The following PCBP2 variants were observed in gnomAD, a reference collection of about 807,000 sequenced individuals.
The protein encoded by PCBP2 is poly(rC)-binding protein 2.
PCBP2 carries 4 observed loss-of-function variants against 50.1 expected under a neutral mutation model. The ratio of observed to expected loss-of-function variants is 0.08; its 90% CI spans 0.04 to 0.18. PCBP2 has a LOEUF of 0.18. PCBP2 is among the 10% of genes least tolerant of loss of function. The pLI, the probability that PCBP2 is intolerant of heterozygous loss-of-function variation, is 1.00. For missense variants in PCBP2, 161 were observed against 474.3 expected (o/e 0.34, Z 6.14); for synonymous variants, 179 against 168.0 (o/e 1.07, Z -0.51).
intron 14 of PCBP2, among the ~76,000 whole-genome samples, chr12:53,477,665 C>CAAAAAA (rs61213286): frequency 4.5e-4 from 24 of 52,878 alleles, no homozygotes; most frequent in East Asian, 2.0e-3. Context: ...GACTCTGTCT[C>CAAAAAA]AAAAAAAAAA....
chr12:53,468,755 C>A, intron 12 of PCBP2, 22 bp from the exon 13 acceptor site: 1 of 1,599,430 alleles, frequency 6.3e-7, no homozygotes, highest in Non-Finnish European at 8.6e-7. Context: ...ATTGAATTTG[C>A]TTGCTCTCTT....
In PCBP2 at chr12:53,454,777, C is replaced by T; in HGVS notation, c.-24C>T. On this transcript the variant is annotated 5_prime_UTR_variant, in exon 2 of 15. Coordinates refer to ENST00000546463, the MANE Select transcript of PCBP2 (RefSeq NM_031989.5). Reference sequence around the variant, plus strand: ...ACCAAAGACTTGACCACTCAAAGTCCAGCTCCCCAGAACACTGCTCGACAT... The same window carrying T: ...ACCAAAGACTTGACCACTCAAAGTCTAGCTCCCCAGAACACTGCTCGACAT... The T allele has an allele frequency of 1.2e-6, 2 of 1,610,534 alleles. No individual in the cohort carries two copies. Among genetic ancestry groups the T allele is most frequent in the African/African-American group, 1.3e-5 (1 of 74,954 alleles).
Position 53,479,602 on chromosome 12 carries a change from G to C in PCBP2, c.*160G>C. ...CCACTCGTGATTTTTTAATTAAAGCGTTTTAATTCCTTTCTCTGTTCAGCT... is the reference window on the plus strand; with the variant it reads ...CCACTCGTGATTTTTTAATTAAAGCCTTTTAATTCCTTTCTCTGTTCAGCT... On this transcript the variant is annotated 3_prime_UTR_variant, in exon 15 of 15. Transcript: ENST00000546463. 4.3e-6 allele frequency: 2 copies of C among 466,906 alleles called. No homozygotes were observed. The highest frequency in any genetic ancestry group is 7.6e-5 in the East Asian group (2 of 26,184). The allele number at this position is 466,906 out of a possible 1,614,324, so 28.9% of individuals were successfully genotyped here.
intron 11 of PCBP2, 185 bp from the exon 12 acceptor site, chr12:53,467,620 T>A: frequency 1.6e-6 from 1 of 638,712 alleles, no homozygotes; most frequent in Non-Finnish European, 2.8e-6. Context: ...ACCCCCTTTC[T>A]CTCCACCAGC....
At chr12:53,474,197 A>G (rs1942427913) in intron 14 of PCBP2, among the ~76,000 whole-genome samples, 2 of 152,246 alleles carry the variant, frequency 1.3e-5, no homozygotes, top group Non-Finnish European at 1.5e-5. Flanking sequence ...ATGATCAGTC[A>G]GAAACAACTT....
At chr12:53,457,577 C>T (rs1192842126) in intron 5 of PCBP2, among the ~76,000 whole-genome samples, 1 of 152,004 alleles carries the variant, frequency 6.6e-6, no homozygotes, top group East Asian at 1.9e-4. Context: ...AACTCTTGGG[C>T]TCAAGCAATC....
chr12:53,455,532 T>G (rs1281835298), intron 4 of PCBP2, 39 bp downstream of exon 4: 2 of 1,597,506 alleles, frequency 1.3e-6, no homozygotes, highest in Non-Finnish European at 1.7e-6. Context: ...CTTTGGGAAG[T>G]AAAAAACCTT....
chr12:53,475,420 TG>T (rs1247200155), intron 14 of PCBP2: 1 of 320,766 alleles, frequency 3.1e-6, no homozygotes, highest in Non-Finnish European at 6.1e-6. Flanking sequence ...GGGTCTGACT[TG>T]AATTCTTTAT....
intron 5 of PCBP2, among the ~76,000 whole-genome samples, chr12:53,457,806 T>C (rs1390266139): frequency 6.6e-6 from 1 of 152,192 alleles, no homozygotes; most frequent in Non-Finnish European, 1.5e-5. Context: ...ATAAGTGATA[T>C]TTAAACCGCT....
At chr12:53,458,564 C>T (rs1473469330) in intron 5 of PCBP2, among the ~76,000 whole-genome samples, 1 of 151,688 alleles carries the variant, frequency 6.6e-6, no homozygotes, top group Non-Finnish European at 1.5e-5. Context: ...GCCTCGGCCT[C>T]CCAAAGTACT....
At chr12:53,471,886 A>T in intron 14 of PCBP2, 79 bp downstream of exon 14, 5 of 1,047,462 alleles carry the variant, frequency 4.8e-6, no homozygotes, top group Non-Finnish European at 5.3e-6. Context: ...TGTATTAAAT[A>T]TGGGATTACA....
intron 14 of PCBP2, among the ~76,000 whole-genome samples, chr12:53,472,076 A>C (rs560028566): frequency 1.3e-5 from 2 of 152,192 alleles, no homozygotes; most frequent in African/African-American, 4.8e-5. Flanking sequence ...CCTTGTCTTC[A>C]GTAAGAGTCC....
At chr12:53,465,342 G>A (rs1941744930) in intron 9 of PCBP2, among the ~76,000 whole-genome samples, 1 of 152,170 alleles carries the variant, frequency 6.6e-6, no homozygotes, top group South Asian at 2.1e-4. Flanking sequence ...CCTATGGAGG[G>A]GAGGTGGGAG....
Position 53,461,207 on chromosome 12 carries a change from TATATTTAGTA to T in PCBP2, c.504+66_504+75del, listed in dbSNP as rs1941422779. Reference sequence around the variant, plus strand: ...CATTCTGGGGACAGAGGGACTGATCTATATTTAGTAAGACTAGAATTAAGTGAGGCTGTTA... The same window carrying T: ...CATTCTGGGGACAGAGGGACTGATCTAGACTAGAATTAAGTGAGGCTGTTA... On this transcript the variant is annotated intron_variant, in intron 7 of 14. Transcript: ENST00000546463. The T allele has an allele frequency of 7.0e-6, 11 of 1,562,128 alleles. No individual in the cohort carries two copies. The South Asian group carries it at 1.3e-4, about 18-fold the overall frequency.
chr12:53,460,168 G>T (rs1301878413), intron 6 of PCBP2: 2 of 218,016 alleles, frequency 9.2e-6, no homozygotes, highest in South Asian at 9.8e-5. Context: ...TTTGAGACAG[G>T]GTCTCACTCA....
Position 53,452,161 on chromosome 12 carries a change from C to T in PCBP2, c.-291C>T, listed in dbSNP as rs1322929636. The T allele has an allele frequency of 7.1e-6, 1 of 140,646 alleles. No individual in the cohort carries two copies. The highest frequency in any genetic ancestry group is 1.6e-5 in the Non-Finnish European group (1 of 63,542). The allele number at this position is 140,646 out of a possible 1,614,324, so 8.7% of individuals were successfully genotyped here. ...CAGCCTGCGCCCTCTCCCGCCCGCC[C>T]GCCCTCCGCCCGCCCGCCCGCCCTC... On this transcript the variant is annotated 5_prime_UTR_variant, in exon 1 of 15. Transcript: ENST00000546463.
chr12:53,474,821 T>C (rs1942463758), intron 14 of PCBP2: 1 of 363,992 alleles, frequency 2.7e-6, no homozygotes. Flanking sequence ...TTTGTGGTCT[T>C]CCCTTCCACC....
At chr12:53,459,570 T>C (rs1205432830) in intron 6 of PCBP2, among the ~76,000 whole-genome samples, 167 bp downstream of exon 6, 1 of 152,186 alleles carries the variant, frequency 6.6e-6, no homozygotes, top group Admixed American at 6.5e-5. Flanking sequence ...AATAGAATTA[T>C]TTTGCATAAT....
chr12:53,455,911 A>G lies in PCBP2; in HGVS notation c.153A>G (p.Glu51=), dbSNP rs371282376. 2 of 1,612,898 alleles carry G rather than the reference A, an allele frequency of 1.2e-6. No homozygotes were observed. The highest frequency in any genetic ancestry group is 2.7e-5 in the African/African-American group (2 of 74,882). ...GTGGTGCACGTATCAACATCTCAGAAGGGAATTGTCCTGAGAGAATTATCA... is the reference window on the plus strand; with the variant it reads ...GTGGTGCACGTATCAACATCTCAGAGGGGAATTGTCCTGAGAGAATTATCA... ...EESGARINIS[E]GNCPERIITL... Residue 51 remains glutamate, a synonymous_variant, in exon 5 of 15, where the codon GAA becomes GAG. Coordinates refer to ENST00000546463, the MANE Select transcript of PCBP2 (RefSeq NM_031989.5).
Sources: gnomAD v4.1 joint callset for allele counts (sites outside exome capture counted in the v4.1 genomes callset) on GRCh38, gnomAD v4.1.1 for gene constraint, MANE v1.5 for transcripts, NCBI Gene and HGNC (gene_info 2026-07-23, HGNC 2026-07-21) for gene names.